Variants in VPS53 observed in about 807,000 individuals in gnomAD.
VPS53 encodes the protein VPS53 subunit of GARP complex.
In VPS53, 70 loss-of-function variants were observed where a neutral mutation model predicts 107.0. That is an observed-to-expected ratio of 0.65 (90% CI 0.54 to 0.80). VPS53 has a LOEUF of 0.80. Among genes scored for constraint, VPS53 ranks in the 30% least tolerant of loss-of-function variants. The probability of loss-of-function intolerance (pLI) is 0.00; values close to 1 mark genes in which losing one functional copy is unlikely to be tolerated. For synonymous variants in VPS53, 409 were observed against 393.3 expected (o/e 1.04, Z -0.47); for missense variants, 917 against 1,049.4 (o/e 0.87, Z 1.74).
intron 4 of VPS53, among the ~76,000 whole-genome samples, chr17:681,070 A>C (rs1378007816): frequency 1.3e-5 from 2 of 152,234 alleles, no homozygotes; most frequent in East Asian, 3.8e-4. Context: ...AGCATAAATT[A>C]CATGTTTTTT....
intron 4 of VPS53, among the ~76,000 whole-genome samples, chr17:663,050 A>G (rs987538138): frequency 1.3e-5 from 2 of 152,016 alleles, no homozygotes; most frequent in African/African-American, 4.8e-5. Flanking sequence ...TGCAAAAAAA[A>G]AAGTTAGCCA....
chr17:594,419 G>T (rs1380897146), intron 12 of VPS53, among the ~76,000 whole-genome samples: 2 of 152,266 alleles, frequency 1.3e-5, no homozygotes, highest in Non-Finnish European at 2.9e-5. Flanking sequence ...CGAAATAGGG[G>T]TGTGGATCAA....
At chr17:675,189 C>T (rs940571964) in intron 4 of VPS53, 1 of 152,142 alleles carries the variant, frequency 6.6e-6, no homozygotes, top group Non-Finnish European at 1.5e-5. Flanking sequence ...CTAGAACCTG[C>T]CCACAAGACA....
At chr17:697,655 G>A (rs1048228274) in intron 3 of VPS53, among the ~76,000 whole-genome samples, 171 bp from the exon 4 acceptor site, 19 of 151,816 alleles carry the variant, frequency 1.3e-4, no homozygotes, top group African/African-American at 3.9e-4. Context: ...AGCGACAGCC[G>A]TGCGGGAAGT....
intron 18 of VPS53, 24 bp downstream of exon 18, chr17:537,004 A>C: frequency 6.2e-7 from 1 of 1,613,098 alleles, no homozygotes; most frequent in Non-Finnish European, 8.5e-7. Context: ...AAGAACCCAG[A>C]GATGAGCACG....
In VPS53 at chr17:697,360, T is replaced by C. The variant is rs1269130393; in HGVS notation, c.285+58A>G. 7 of 1,421,636 alleles carry C rather than the reference T, an allele frequency of 4.9e-6. No homozygotes were observed. In the African/African-American group the frequency reaches 5.6e-5, roughly 11 times the overall value. The allele number at this position is 1,421,636 out of a possible 1,614,324, so 88.1% of individuals were successfully genotyped here. On this transcript the variant is annotated intron_variant, in intron 4 of 21. Coordinates refer to ENST00000437048, the MANE Select transcript of VPS53 (RefSeq NM_001128159.3). ...AGAGGGCACATCGACGTTTTGGTCA[T>C]CTGGTTGCCGGGAGAAACCAGGGGA...
In VPS53 at chr17:524,428, C is replaced by T. The variant is rs1324895020; in HGVS notation, c.2086-2690G>A. On this transcript the variant is annotated intron_variant, in intron 19 of 21. Transcript: ENST00000437048. The surrounding 1 kb of genome is among the most constrained non-coding windows in gnomAD (Gnocchi z 4.5). ...AGGCATCTATATCAGAAGAAACAAACAAAGTAAAAGACAAGACATAAATCA... is the reference window on the plus strand; with the variant it reads ...AGGCATCTATATCAGAAGAAACAAATAAAGTAAAAGACAAGACATAAATCA... Among the ~76,000 whole-genome samples the T allele has an allele frequency of 6.6e-6, 1 of 152,084 alleles. No homozygotes were observed. The highest frequency in any genetic ancestry group is 1.5e-5 in the Non-Finnish European group (1 of 68,018).
Position 519,051 on chromosome 17 carries a change from G to C in VPS53, c.*77C>G. 7.1e-7 allele frequency: 1 copy of C among 1,413,458 alleles called. No individual in the cohort carries two copies. Among genetic ancestry groups the C allele is most frequent in the South Asian group, 1.5e-5 (1 of 66,144 alleles). 87.6% of individuals were successfully genotyped at this position (1,413,458 alleles called of 1,614,324 possible). A position where few individuals can be genotyped will look rare whatever the true frequency, so the allele number is the denominator to read the frequency against. On this transcript the variant is annotated 3_prime_UTR_variant, in exon 22 of 22. Coordinates refer to ENST00000437048, the MANE Select transcript of VPS53 (RefSeq NM_001128159.3). The surrounding 1 kb of genome is among the most constrained non-coding windows in gnomAD (Gnocchi z 5.0). ...ACCGACGATGTGAGAGTGCCGGGGA[G>C]CACAGGAGAGGTTGGGGGCTTCTGG...
intron 18 of VPS53, 136 bp downstream of exon 18, chr17:536,892 G>A: frequency 5.5e-6 from 6 of 1,089,674 alleles, no homozygotes; most frequent in Non-Finnish European, 6.5e-6. Flanking sequence ...GGAAGACTGT[G>A]CATGTTGGGG....
intron 13 of VPS53, among the ~76,000 whole-genome samples, chr17:579,018 G>A (rs927283249): frequency 1.3e-4 from 19 of 144,156 alleles, no homozygotes; most frequent in Non-Finnish European, 2.1e-4. Context: ...TGGGTTACCA[G>A]AAAACCTCCC....
chr17:642,975 C>T lies in VPS53; in HGVS notation c.608+10316G>A, dbSNP rs112481100. On this transcript the variant is annotated intron_variant, in intron 7 of 21. Transcript: ENST00000437048. ...GAGGACAACTCTCATACTTGGAAAGCGAGGACAACACTCATACTTGGAAAG... is the reference window on the plus strand; with the variant it reads ...GAGGACAACTCTCATACTTGGAAAGTGAGGACAACACTCATACTTGGAAAG... Among the ~76,000 whole-genome samples the T allele has an allele frequency of 3.5e-4, 39 of 112,254 alleles. 1 individual carries two copies. The highest frequency in any genetic ancestry group is 1.0e-3 in the African/African-American group (35 of 34,376). The allele number at this position is 112,254 out of a possible 152,430, so 73.6% of individuals were successfully genotyped here. A position where few individuals can be genotyped will look rare whatever the true frequency, so the allele number is the denominator to read the frequency against.
chr17:692,672 A>G (rs1167858548), intron 4 of VPS53, among the ~76,000 whole-genome samples: 1 of 152,218 alleles, frequency 6.6e-6, no homozygotes, highest in Non-Finnish European at 1.5e-5. Flanking sequence ...AGACACCATG[A>G]ATGTGAAGTC....
At chr17:521,336 C>T (rs1908731283) in intron 20 of VPS53, among the ~76,000 whole-genome samples, 1 of 152,160 alleles carries the variant, frequency 6.6e-6, no homozygotes, top group Admixed American at 6.5e-5. Flanking sequence ...GTGGCAACCA[C>T]CTAACCTCCA....
At chr17:623,418 G>T in intron 11 of VPS53, 115 bp downstream of exon 11, 1 of 1,258,274 alleles carries the variant, frequency 7.9e-7, no homozygotes. Context: ...TGAAATCACT[G>T]CAATGAGGGG....
At position 562,735 on chromosome 17, in the gene VPS53, C is replaced by T; in HGVS notation, c.1324G>A (p.Glu442Lys). ...TCAGCCACAAACCGATCTATCAGCT[C>T]TCCGAGGTTCCTAGGAGGAAAAAAA... The part of the protein sequence containing the change: ...YIESQDKNLG[E>K]LIDRFVADFK... The change falls in exon 14 of 22, where the codon GAG (glutamate) becomes AAG (lysine). Residue 442 changes from glutamate to lysine, a missense_variant. Transcript: ENST00000437048. 1 of 1,610,004 alleles carries T rather than the reference C, an allele frequency of 6.2e-7. No individual in the cohort carries two copies. Among genetic ancestry groups the T allele is most frequent in the Non-Finnish European group, 8.5e-7 (1 of 1,178,108 alleles).
At chr17:638,017 G>A (rs1970266638) in intron 7 of VPS53, among the ~76,000 whole-genome samples, 1 of 152,162 alleles carries the variant, frequency 6.6e-6, no homozygotes, top group South Asian at 2.1e-4. Flanking sequence ...ACAGTGGGGT[G>A]TTAAAGTCTC....
chr17:595,957 C>G (rs1347832570), intron 12 of VPS53, among the ~76,000 whole-genome samples: 1 of 147,796 alleles, frequency 6.8e-6, no homozygotes, highest in African/African-American at 2.6e-5. Flanking sequence ...TGATGATGCA[C>G]TCTAGTGTCC....
At chr17:709,895 C>A (rs780727455) in intron 2 of VPS53, among the ~76,000 whole-genome samples, 4 of 152,064 alleles carry the variant, frequency 2.6e-5, no homozygotes, top group Non-Finnish European at 5.9e-5. Context: ...GCCTGTAATC[C>A]CAGCACTTTA....
chr17:614,160 G>C (rs903824403), intron 11 of VPS53, among the ~76,000 whole-genome samples: 1 of 152,146 alleles, frequency 6.6e-6, no homozygotes, highest in African/African-American at 2.4e-5. Context: ...TTCTTCTGGG[G>C]TAACAGAAAT....
Sources: gnomAD v4.1 joint callset for allele counts (sites outside exome capture counted in the v4.1 genomes callset) on GRCh38, gnomAD v4.1.1 for gene constraint, Gnocchi (gnomAD v3.1) non-coding constraint, MANE v1.5 for transcripts, NCBI Gene and HGNC (gene_info 2026-07-23, HGNC 2026-07-21) for gene names.